The following FOXO3 variants were observed in gnomAD, a reference collection of about 807,000 sequenced individuals.
The protein encoded by FOXO3 is forkhead box O3.
Under a neutral mutation model 41.9 loss-of-function variants are expected in FOXO3, and 4 were observed. The ratio of observed to expected loss-of-function variants is 0.10; its 90% CI spans 0.05 to 0.22. The LOEUF is 0.22. Among genes scored for constraint, FOXO3 ranks in the 10% least tolerant of loss-of-function variants. The probability of loss-of-function intolerance (pLI) is 1.00; values close to 1 mark genes in which losing one functional copy is unlikely to be tolerated. For missense variants in FOXO3, 534 were observed against 906.8 expected (o/e 0.59, Z 5.28); for synonymous variants, 318 against 389.3 (o/e 0.82, Z 2.16).
At chr6:108,632,794 A>AT (rs892599137) in intron 1 of FOXO3, among the ~76,000 whole-genome samples, 1 of 152,004 alleles carries the variant, frequency 6.6e-6, no homozygotes, top group South Asian at 2.1e-4. Flanking sequence ...TCACCTAAGT[A>AT]TTTTTTTCCC....
At chr6:108,637,356 C>G (rs1489819460) in intron 1 of FOXO3, among the ~76,000 whole-genome samples, 2 of 152,088 alleles carry the variant, frequency 1.3e-5, no homozygotes, top group Admixed American at 1.3e-4. Flanking sequence ...AGCCTAGAAA[C>G]CAGACAGAGG....
At chr6:108,566,132 T>C (rs1420233152) in intron 1 of FOXO3, among the ~76,000 whole-genome samples, 1 of 152,232 alleles carries the variant, frequency 6.6e-6, no homozygotes, top group Admixed American at 6.5e-5. Context: ...TTCAAAGCTG[T>C]GTCATTGACC....
intron 1 of FOXO3, among the ~76,000 whole-genome samples, chr6:108,643,271 G>A (rs1475946876): frequency 1.3e-5 from 2 of 152,104 alleles, no homozygotes; most frequent in Non-Finnish European, 2.9e-5. Context: ...CTTTGCCCAT[G>A]CCCAGTTTGA....
intron 1 of FOXO3, among the ~76,000 whole-genome samples, chr6:108,575,378 TAAA>T (rs576004258): frequency 1.6e-5 from 2 of 121,254 alleles, no homozygotes; most frequent in Non-Finnish European, 1.8e-5. Context: ...ACTTAATACC[TAAA>T]AAAAAAAAAA....
At chr6:108,616,803 A>G (rs1777527483) in intron 1 of FOXO3, among the ~76,000 whole-genome samples, 2 of 151,882 alleles carry the variant, frequency 1.3e-5, no homozygotes, top group Non-Finnish European at 2.9e-5. Flanking sequence ...CATGTACCCC[A>G]CTCCTTTTCA....
chr6:108,662,156 C>T (rs1225352823), intron 1 of FOXO3, among the ~76,000 whole-genome samples: 2 of 152,104 alleles, frequency 1.3e-5, no homozygotes, highest in Admixed American at 1.3e-4. Context: ...TTGAGAAGTA[C>T]TGACTAGGCA....
intron 1 of FOXO3, among the ~76,000 whole-genome samples, chr6:108,609,093 A>C (rs1250855923): frequency 2.0e-5 from 3 of 152,170 alleles, no homozygotes; most frequent in Non-Finnish European, 4.4e-5. Context: ...CATGATGTAG[A>C]AGAGGTTATC....
At chr6:108,612,702 T>A (rs961770164) in intron 1 of FOXO3, among the ~76,000 whole-genome samples, 117 of 151,548 alleles carry the variant, frequency 7.7e-4, no homozygotes, top group African/African-American at 2.0e-3. Context: ...AAAAAAAAAA[T>A]TTTTTTTCTT....
In FOXO3 at chr6:108,664,816, T is replaced by G; in HGVS notation, c.1983T>G (p.Gly661=). 1 of 1,516,088 alleles carries G rather than the reference T, an allele frequency of 6.6e-7. No homozygotes were observed. The highest frequency in any genetic ancestry group is 8.8e-7 in the Non-Finnish European group (1 of 1,132,100). 93.9% of individuals were successfully genotyped at this position (1,516,088 alleles called of 1,614,324 possible). Reference sequence around the variant, plus strand: ...GTTTGAACGTGGGGAACTTCACTGGTGCTAAGCAGGCCTCATCTCAGAGCT... The same window carrying G: ...GTTTGAACGTGGGGAACTTCACTGGGGCTAAGCAGGCCTCATCTCAGAGCT... ...VVGLNVGNFT[G]AKQASSQSWV... is the part of the protein sequence containing the mutation. Residue 661 remains glycine, a synonymous_variant, in exon 2 of 3, where the codon GGT becomes GGG. Transcript: ENST00000406360.
At chr6:108,641,782 T>G (rs2128379457) in intron 1 of FOXO3, among the ~76,000 whole-genome samples, 1 of 151,868 alleles carries the variant, frequency 6.6e-6, no homozygotes, top group African/African-American at 2.4e-5. Context: ...GGGCTAGAAT[T>G]GCCACAAAAA....
chr6:108,591,774 A>G (rs1385815935), intron 1 of FOXO3, among the ~76,000 whole-genome samples: 3 of 152,300 alleles, frequency 2.0e-5, no homozygotes, highest in Admixed American at 6.5e-5. Context: ...TTGGGATTGT[A>G]CTTTATGCAA....
chr6:108,631,667 CT>C (rs1219943623), intron 1 of FOXO3, among the ~76,000 whole-genome samples: 1 of 152,140 alleles, frequency 6.6e-6, no homozygotes, highest in African/African-American at 2.4e-5. Flanking sequence ...AGATATTTCA[CT>C]TCTGTATACT....
Position 108,577,510 on chromosome 6 carries a change from A to G in FOXO3, c.621+15681A>G, listed in dbSNP as rs181338590. ...CCTATCCACTGGTCACCTTACTCCA[A>G]CATCAGTGGTTTTCAACCCTGGCTG... On this transcript the variant is annotated intron_variant, in intron 1 of 2. Transcript: ENST00000406360. 6.6e-5 allele frequency among the ~76,000 whole-genome samples: 10 copies of G among 152,310 alleles called. No individual in the cohort carries two copies. The East Asian group carries it at 1.2e-3, about 18-fold the overall frequency.
chr6:108,573,689 T>C lies in FOXO3; in HGVS notation c.621+11860T>C, dbSNP rs7758077. Among the ~76,000 whole-genome samples the C allele has an allele frequency of 2.7e-3, 398 of 149,398 alleles. 4 individuals carry two copies. Among genetic ancestry groups the C allele is most frequent in the African/African-American group, 9.6e-3 (388 of 40,452 alleles). ...CTAAAAATACAAAAAATTAGCTGGG[T>C]GTGGTGGCTGGCGCCTGTAATCCCA... On this transcript the variant is annotated intron_variant, in intron 1 of 2. Transcript: ENST00000406360.
intron 1 of FOXO3, among the ~76,000 whole-genome samples, chr6:108,663,231 G>A (rs747706725): frequency 3.9e-5 from 6 of 152,220 alleles, no homozygotes; most frequent in Admixed American, 3.3e-4. Context: ...AATTAACTGG[G>A]CTTGGTGGCA....
chr6:108,663,762 G>T lies in FOXO3; in HGVS notation c.929G>T (p.Arg310Leu). The change falls in exon 2 of 3, where the codon CGT (arginine) becomes CTT (leucine). Residue 310 changes from arginine (R) to leucine (L), a missense_variant. Coordinates refer to ENST00000406360, the MANE Select transcript of FOXO3 (RefSeq NM_001455.4). ...SDELDAWTDF[R>L]SRTNSNASTV... The stretch of plus-strand genomic sequence containing the variant: ...GAGCTGGATGCGTGGACGGACTTCC[G>T]TTCACGCACCAATTCTAACGCCAGC... The T allele has an allele frequency of 6.2e-7, 1 of 1,613,880 alleles. No individual in the cohort carries two copies. Among genetic ancestry groups the T allele is most frequent in the Admixed American group, 1.7e-5 (1 of 60,006 alleles).
At chr6:108,600,091 A>T (rs1252304127) in intron 1 of FOXO3, among the ~76,000 whole-genome samples, 1 of 152,204 alleles carries the variant, frequency 6.6e-6, no homozygotes, top group Non-Finnish European at 1.5e-5. Context: ...TTAGAAGTCG[A>T]ACACTGAACT....
intron 1 of FOXO3, among the ~76,000 whole-genome samples, chr6:108,574,359 AT>A (rs1343134291): frequency 2.6e-5 from 4 of 152,140 alleles, no homozygotes; most frequent in South Asian, 4.1e-4. Flanking sequence ...GTAGGTAGAA[AT>A]CTTTTGGGAT....
At chr6:108,606,431 C>T (rs1256249460) in intron 1 of FOXO3, among the ~76,000 whole-genome samples, 1 of 152,190 alleles carries the variant, frequency 6.6e-6, no homozygotes, top group Non-Finnish European at 1.5e-5. Flanking sequence ...CTCCCCTTCC[C>T]CCTAAACTCT....
Sources: allele counts gnomAD v4.1 joint callset (sites outside exome capture counted in the v4.1 genomes callset), GRCh38; gene constraint gnomAD v4.1.1; transcripts MANE v1.5; gene names NCBI Gene and HGNC (gene_info 2026-07-23, HGNC 2026-07-21).